The following MYBBP1A variants were observed in gnomAD, a reference collection of about 807,000 sequenced individuals.
MYBBP1A encodes myb-binding protein 1A.
MYBBP1A carries 147 observed loss-of-function variants against 136.3 expected under a neutral mutation model. The observed-to-expected ratio is 1.08, with a 90% CI of 0.94 to 1.24. MYBBP1A has a LOEUF of 1.24. MYBBP1A is among the 50% of genes most tolerant of loss of function. The pLI, the probability that MYBBP1A is intolerant of heterozygous loss-of-function variation, is 0.00. For missense variants in MYBBP1A, 2,060 were observed against 1,727.4 expected (o/e 1.19, Z -3.41); for synonymous variants, 947 against 735.8 (o/e 1.29, Z -4.65).
rs1906137015 is a variant in MYBBP1A at position 4,539,445 on chromosome 17, T to C, written c.3957A>G (p.Lys1319=). The C allele has an allele frequency of 3.1e-6, 5 of 1,613,580 alleles. No homozygotes were observed. The South Asian group carries it at 5.5e-5, about 18-fold the overall frequency. Residue 1319 remains lysine (K), a synonymous_variant, in exon 26 of 26, where the codon AAA becomes AAG. Coordinates refer to ENST00000254718, the MANE Select transcript of MYBBP1A (RefSeq NM_014520.4). ...GCTTCCCTGCCTTCCTCACCTGTGCTTTCTTCTTGGCCCCACTCTGAAGCA... is the reference window on the plus strand; with the variant it reads ...GCTTCCCTGCCTTCCTCACCTGTGCCTTCTTCTTGGCCCCACTCTGAAGCA... ...PSLLQSGAKK[K]AQVRKAGKP is the part of the protein sequence containing the mutation.
Position 4,552,367 on chromosome 17 carries a change from C to T in MYBBP1A, c.738-75G>A. The T allele has an allele frequency of 1.1e-5, 17 of 1,603,696 alleles. No individual in the cohort carries two copies. Among genetic ancestry groups the T allele is most frequent in the Non-Finnish European group, 1.4e-5 (17 of 1,175,412 alleles). ...AGGGTGACAAGAGCAGCCGGGACACCCCCAGGCCAAACGACAAATCTGGGC... is the reference window on the plus strand; with the variant it reads ...AGGGTGACAAGAGCAGCCGGGACACTCCCAGGCCAAACGACAAATCTGGGC... On this transcript the variant is annotated intron_variant, in intron 6 of 25. Transcript: ENST00000254718. This position sits in a 1 kb window ranked among gnomAD's most constrained non-coding sequence, Gnocchi z 4.7.
chr17:4,543,046 G>A lies in MYBBP1A; in HGVS notation c.2759C>T (p.Ala920Val), dbSNP rs1470678267. ...GAGAGAGGCGTTGAAGTGGTAGAGGGCGGTGGGGGAGTCGGGCTGGCGGCC... is the reference window on the plus strand; with the variant it reads ...GAGAGAGGCGTTGAAGTGGTAGAGGACGGTGGGGGAGTCGGGCTGGCGGCC... ...QAGRQPDSPT[A>V]LYHFNASLYL... Residue 920 changes from alanine (A) to valine (V), a missense_variant, in exon 20 of 26, where the codon GCC becomes GTC. Ala to Val is a moderately conservative substitution (Grantham distance 64). Transcript: ENST00000254718. 3 of 1,613,490 alleles carry A rather than the reference G, an allele frequency of 1.9e-6. No individual in the cohort carries two copies. Among genetic ancestry groups the A allele is most frequent in the South Asian group, 1.1e-5 (1 of 91,090 alleles).
chr17:4,545,580 C>G, intron 15 of MYBBP1A, 30 bp downstream of exon 15: 1 of 1,553,270 alleles, frequency 6.4e-7, no homozygotes, highest in Non-Finnish European at 8.7e-7. Flanking sequence ...AGCCCCAGCC[C>G]ACATTCCACT....
chr17:4,548,345 AG>A lies in MYBBP1A; in HGVS notation c.1557-36del, dbSNP rs769904194. ...GGATGGGGCTTGGGGTCAGCAGACC[AG>A]ATGAGTCAATGTAGCCGCCTCCCTC... On this transcript the variant is annotated intron_variant, in intron 11 of 25. Coordinates refer to ENST00000254718, the MANE Select transcript of MYBBP1A (RefSeq NM_014520.4). The surrounding 1 kb of genome is among the most constrained non-coding windows in gnomAD (Gnocchi z 4.2). The A allele has an allele frequency of 6.2e-7, 1 of 1,608,466 alleles. No individual in the cohort carries two copies.
In MYBBP1A at chr17:4,548,643, A is replaced by G; in HGVS notation, c.1437T>C (p.Cys479=). The change falls in exon 11 of 26, where the codon TGT becomes TGC. Residue 479 remains cysteine (C), a synonymous_variant. Transcript: ENST00000254718. This position sits in a 1 kb window ranked among gnomAD's most constrained non-coding sequence, Gnocchi z 4.2. ...TTGTGACAAAGAACGAGTGGAACAA[A>G]CAAAACCTGGGGAGGGTGGGAGAGT... The part of the protein sequence containing the change: ...EALTEQVARF[C]LFHSFFVTKK... 6.2e-7 allele frequency: 1 copy of G among 1,614,118 alleles called. No individual in the cohort carries two copies. Among genetic ancestry groups the G allele is most frequent in the South Asian group, 1.1e-5 (1 of 91,080 alleles).
In MYBBP1A at chr17:4,539,414, C is replaced by T. The variant is rs780135370; in HGVS notation, c.*1G>A. ...GGGCTGAGGGGGGCCCGTACCTGTG[C>T]TCAGGGCTTCCCTGCCTTCCTCACC... On this transcript the variant is annotated 3_prime_UTR_variant, in exon 26 of 26. Coordinates refer to ENST00000254718, the MANE Select transcript of MYBBP1A (RefSeq NM_014520.4). The T allele has an allele frequency of 4.4e-6, 7 of 1,607,844 alleles. No individual in the cohort carries two copies. In the African/African-American group the frequency reaches 9.4e-5, roughly 22 times the overall value.
intron 24 of MYBBP1A, 75 bp from the exon 25 acceptor site, chr17:4,540,559 T>G: frequency 6.8e-7 from 1 of 1,462,500 alleles, no homozygotes; most frequent in Non-Finnish European, 9.0e-7. Flanking sequence ...TCTTCCCACC[T>G]CTGCCCTGTT....
At chr17:4,545,790 AG>A (rs1221274014) in intron 14 of MYBBP1A, 29 bp from the exon 15 acceptor site, 1 of 1,607,792 alleles carries the variant, frequency 6.2e-7, no homozygotes, top group African/African-American at 1.3e-5. Flanking sequence ...GAGCCCGGAT[AG>A]GGGACCGCTG....
Position 4,539,217 on chromosome 17 carries a change from C to A in MYBBP1A, c.*198G>T. On this transcript the variant is annotated 3_prime_UTR_variant, in exon 26 of 26. Coordinates refer to ENST00000254718, the MANE Select transcript of MYBBP1A (RefSeq NM_014520.4). ...AGAACCGGGGGTGGGGAGGTCTCTGCACCCTGGGACCCCTGCAGGAATGGC... is the reference window on the plus strand; with the variant it reads ...AGAACCGGGGGTGGGGAGGTCTCTGAACCCTGGGACCCCTGCAGGAATGGC... 6.9e-7 allele frequency: 1 copy of A among 1,459,046 alleles called. No homozygotes were observed. Among genetic ancestry groups the A allele is most frequent in the Non-Finnish European group, 9.0e-7 (1 of 1,115,938 alleles). 90.4% of individuals were successfully genotyped at this position (1,459,046 alleles called of 1,614,324 possible).
Position 4,548,605 on chromosome 17 carries a change from G to A in MYBBP1A, c.1475C>T (p.Ser492Phe), listed in dbSNP as rs1343298839. ...CGGGTGCTTTGTCTCAGGGATCTGG[G>A]ATGTGGGCTTCTTTGTGACAAAGAA... ...HSFFVTKKPT[S>F]QIPETKHPFS... is the part of the protein sequence containing the mutation. The change falls in exon 11 of 26, where the codon TCC (serine) becomes TTC (phenylalanine). Residue 492 changes from serine (S) to phenylalanine (F), a missense_variant. Coordinates refer to ENST00000254718, the MANE Select transcript of MYBBP1A (RefSeq NM_014520.4). This position sits in a 1 kb window ranked among gnomAD's most constrained non-coding sequence, Gnocchi z 4.2. 1 of 1,614,228 alleles carries A rather than the reference G, an allele frequency of 6.2e-7. No homozygotes were observed. Among genetic ancestry groups the A allele is most frequent in the Admixed American group, 1.7e-5 (1 of 60,030 alleles).
At chr17:4,541,665 G>A (rs1567603645) in intron 23 of MYBBP1A, 101 bp from the exon 24 acceptor site, 3 of 1,447,840 alleles carry the variant, frequency 2.1e-6, no homozygotes, top group Middle Eastern at 1.7e-4. Context: ...CGTCTCCTGG[G>A]ACAACCCCAG....
Position 4,539,344 on chromosome 17 carries a change from TAAAAAAAAAAA to T in MYBBP1A, c.*60_*70del. On this transcript the variant is annotated 3_prime_UTR_variant, in exon 26 of 26. Transcript: ENST00000254718. ...CAGCTTGCGTATTAAAATCATGGTT[TAAAAAAAAAAA>T]AAAAAAATAGGCGTCTCAGGCAGAT... 1 of 1,401,726 alleles carries T rather than the reference TAAAAAAAAAAA, an allele frequency of 7.1e-7. No individual in the cohort carries two copies. Among genetic ancestry groups the T allele is most frequent in the Admixed American group, 2.5e-5 (1 of 40,452 alleles). The allele number at this position is 1,401,726 out of a possible 1,614,324, so 86.8% of individuals were successfully genotyped here.
At position 4,542,676 on chromosome 17, in the gene MYBBP1A, C is replaced by CAGGA; in HGVS notation, c.2954_2957dup (p.Thr987ProfsTer63). 2 of 1,614,026 alleles carry CAGGA rather than the reference C, an allele frequency of 1.2e-6. No individual in the cohort carries two copies. The highest frequency in any genetic ancestry group is 1.7e-6 in the Non-Finnish European group (2 of 1,179,952). ...CTGTGAGGGGGCTGTTGCGCTTGGT[C>CAGGA]AGGAAGGAGCTCAGTGCTGTCGAGT... On this transcript the variant is annotated frameshift_variant, in exon 21 of 26. Coordinates refer to ENST00000254718, the MANE Select transcript of MYBBP1A (RefSeq NM_014520.4). LOFTEE classifies it high-confidence loss of function.
intron 9 of MYBBP1A, among the ~76,000 whole-genome samples, chr17:4,549,709 G>A (rs2875814): frequency 0.016 from 2,351 of 150,426 alleles, 58 homozygotes; most frequent in African/African-American, 0.055. Context: ...GCTTGAACCC[G>A]GGAGGCAGAA....
chr17:4,539,642 T>C lies in MYBBP1A; in HGVS notation c.3760A>G (p.Lys1254Glu). The C allele has an allele frequency of 6.2e-7, 1 of 1,612,464 alleles. No individual in the cohort carries two copies. The highest frequency in any genetic ancestry group is 8.5e-7 in the Non-Finnish European group (1 of 1,178,878). The stretch of plus-strand genomic sequence containing the variant: ...TTCACCTGGGACGGCTTCTGGTTTT[T>C]CTTCTGCAGTTTTGGGGATTTGGCA... ...TPAKSPKLQK[K>E]NQKPSQVNGA... The change falls in exon 26 of 26, where the codon AAA becomes GAA. Residue 1254 changes from lysine (K) to glutamate (E), a missense_variant. Lys to Glu is a moderately conservative substitution (Grantham distance 56). Transcript: ENST00000254718.
Position 4,544,357 on chromosome 17 carries a change from G to A in MYBBP1A, c.2639+132C>T. On this transcript the variant is annotated intron_variant, in intron 19 of 25. Coordinates refer to ENST00000254718, the MANE Select transcript of MYBBP1A (RefSeq NM_014520.4). ...GTGTGCCTCTAGGGCTGAGCAGTGA[G>A]CCTGCGAGCTAGGGGCCCAGGCTGG... 8.3e-6 allele frequency: 10 copies of A among 1,201,116 alleles called. 1 individual carries two copies. In the South Asian group the frequency reaches 1.3e-4, roughly 16 times the overall value. The allele number at this position is 1,201,116 out of a possible 1,614,324, so 74.4% of individuals were successfully genotyped here.
Position 4,548,800 on chromosome 17 carries a change from A to C in MYBBP1A, c.1431-151T>G. On this transcript the variant is annotated intron_variant, in intron 10 of 25. Coordinates refer to ENST00000254718, the MANE Select transcript of MYBBP1A (RefSeq NM_014520.4). This position sits in a 1 kb window ranked among gnomAD's most constrained non-coding sequence, Gnocchi z 4.2. ...ACAGTCCTCGGGGGCCTGACGGGCA[A>C]GGCTGGAGGGGGCTGGGCTGGGCTA... 9.2e-7 allele frequency: 1 copy of C among 1,091,162 alleles called. No homozygotes were observed. Among genetic ancestry groups the C allele is most frequent in the Non-Finnish European group, 1.3e-6 (1 of 775,270 alleles). The allele number at this position is 1,091,162 out of a possible 1,614,324, so 67.6% of individuals were successfully genotyped here.
intron 2 of MYBBP1A, 36 bp downstream of exon 2, chr17:4,554,825 T>G (rs781150946): frequency 1.2e-6 from 2 of 1,601,584 alleles, no homozygotes; most frequent in South Asian, 1.1e-5. Flanking sequence ...CATTTTGACC[T>G]GGATGGCTGG....
Position 4,548,632 on chromosome 17 carries a change from G to T in MYBBP1A, c.1448C>A (p.Ser483Ter). 6.2e-7 allele frequency: 1 copy of T among 1,614,198 alleles called. No individual in the cohort carries two copies. The highest frequency in any genetic ancestry group is 1.3e-5 in the African/African-American group (1 of 75,064). ...EQVARFCLFH[S>*]FFVTKKPTSQ... ...TGTGGGCTTCTTTGTGACAAAGAAC[G>T]AGTGGAACAAACAAAACCTGGGGAG... The change falls in exon 11 of 26, where the codon TCG (serine) becomes TAG (stop). Residue 483 changes from serine to a stop codon, truncating the protein, a stop_gained. Coordinates refer to ENST00000254718, the MANE Select transcript of MYBBP1A (RefSeq NM_014520.4). LOFTEE classifies it high-confidence loss of function. This position sits in a 1 kb window ranked among gnomAD's most constrained non-coding sequence, Gnocchi z 4.2.
Sources: allele counts gnomAD v4.1 joint callset (sites outside exome capture counted in the v4.1 genomes callset), GRCh38; gene constraint gnomAD v4.1.1; non-coding constraint Gnocchi (gnomAD v3.1); transcripts MANE v1.5; gene names NCBI Gene and HGNC (gene_info 2026-07-23, HGNC 2026-07-21).